Variants in SEMA4B observed in about 807,000 individuals in gnomAD.
SEMA4B encodes semaphorin 4B, also known as semaphorin-4B.
In SEMA4B, 55 loss-of-function variants were observed where a neutral mutation model predicts 88.1. The observed-to-expected ratio is 0.62, with a 90% CI of 0.50 to 0.78. SEMA4B has a LOEUF of 0.78. Among genes scored for constraint, SEMA4B ranks in the 30% least tolerant of loss-of-function variants. SEMA4B has a pLI of 0.00. For missense variants in SEMA4B, 1,062 were observed against 1,111.9 expected, an observed-to-expected ratio of 0.96 and a Z score of 0.64; for synonymous variants, 525 against 473.6, an observed-to-expected ratio of 1.11 and a Z score of -1.41.
chr15:90,228,817 C>T lies in SEMA4B; in HGVS notation c.*174C>T. 2.4e-6 allele frequency: 2 copies of T among 838,900 alleles called. No individual in the cohort carries two copies. Among genetic ancestry groups the T allele is most frequent in the East Asian group, 5.4e-5 (2 of 36,974 alleles). The allele number at this position is 838,900 out of a possible 1,614,324, so 52.0% of individuals were successfully genotyped here. A position where few individuals can be genotyped will look rare whatever the true frequency, so the allele number is the denominator to read the frequency against. On this transcript the variant is annotated 3_prime_UTR_variant, in exon 14 of 14. Coordinates refer to ENST00000411539, the MANE Select transcript of SEMA4B (RefSeq NM_198925.4). ...CTCCAGTCAAGTAGCGAAGCTCCTA[C>T]CACCCAGACACCCAAACAGCCGTGG... is the stretch of plus-strand genomic sequence containing the variant.
chr15:90,193,502 C>T (rs180844825), intron 1 of SEMA4B: 1 of 152,374 alleles, frequency 6.6e-6, no homozygotes, highest in Non-Finnish European at 1.5e-5. Flanking sequence ...TCACTGTCCT[C>T]AAAGGACTTG....
intron 1 of SEMA4B, among the ~76,000 whole-genome samples, chr15:90,194,195 A>T (rs1440472440): frequency 3.3e-5 from 5 of 151,314 alleles, no homozygotes; most frequent in Non-Finnish European, 5.9e-5. Context: ...TGGGCTGAAC[A>T]GTGCAGTTAG....
chr15:90,210,736 C>T (rs1961226410), intron 1 of SEMA4B, among the ~76,000 whole-genome samples: 1 of 152,014 alleles, frequency 6.6e-6, no homozygotes, highest in South Asian at 2.1e-4. Context: ...ACCTAGAGGA[C>T]GGGGTGGCGT....
At chr15:90,189,758 G>A (rs1960290253) in intron 1 of SEMA4B, among the ~76,000 whole-genome samples, 1 of 152,176 alleles carries the variant, frequency 6.6e-6, no homozygotes, top group Admixed American at 6.5e-5. Flanking sequence ...TGGTAGCAAG[G>A]AGCTTTTGAA....
At chr15:90,209,204 A>C (rs780508525) in intron 1 of SEMA4B, among the ~76,000 whole-genome samples, 14 of 152,184 alleles carry the variant, frequency 9.2e-5, no homozygotes, top group Non-Finnish European at 8.8e-5. Context: ...GTTGATACAA[A>C]TATGAATAAG....
Position 90,228,978 on chromosome 15 carries a change from C to G in SEMA4B, c.*335C>G. 1 of 413,150 alleles carries G rather than the reference C, an allele frequency of 2.4e-6. No homozygotes were observed. The allele number at this position is 413,150 out of a possible 1,614,324, so 25.6% of individuals were successfully genotyped here. A position where few individuals can be genotyped will look rare whatever the true frequency, so the allele number is the denominator to read the frequency against. ...GAGAGGGAAGAGATAGCATGGCATG[C>G]AGCACACACGGCTGCTCCAGTTCAT... On this transcript the variant is annotated 3_prime_UTR_variant, in exon 14 of 14. Transcript: ENST00000411539.
At chr15:90,220,894 C>T in intron 4 of SEMA4B, 88 bp from the exon 5 acceptor site, 1 of 828,250 alleles carries the variant, frequency 1.2e-6, no homozygotes. Context: ...TGCAGAGTTG[C>T]CTTCTCCTGC....
chr15:90,209,567 T>TA (rs199611894), intron 1 of SEMA4B, among the ~76,000 whole-genome samples: 39 of 147,764 alleles, frequency 2.6e-4, no homozygotes, highest in Admixed American at 4.7e-4. Context: ...AAGACTGTCT[T>TA]AAAAAAAAAA....
At chr15:90,213,824 T>C (rs1046071687) in intron 1 of SEMA4B, among the ~76,000 whole-genome samples, 2 of 152,230 alleles carry the variant, frequency 1.3e-5, no homozygotes, top group Non-Finnish European at 2.9e-5. Context: ...CCGCAGTGTC[T>C]GTCTTGGTCT....
rs185443698 is a variant in SEMA4B at position 90,220,810 on chromosome 15, C to T, written c.484-172C>T. Reference sequence around the variant, plus strand: ...GCCGACTGTCCAGGTTCAAACCCTTCGGCACCGTGTCCTGGCTGAGGAGGA... The same window carrying T: ...GCCGACTGTCCAGGTTCAAACCCTTTGGCACCGTGTCCTGGCTGAGGAGGA... On this transcript the variant is annotated intron_variant, in intron 4 of 13. Coordinates refer to ENST00000411539, the MANE Select transcript of SEMA4B (RefSeq NM_198925.4). Among the ~76,000 whole-genome samples the T allele has an allele frequency of 1.1e-3, 160 of 152,278 alleles. 1 individual carries two copies. Among genetic ancestry groups the T allele is most frequent in the Admixed American group, 1.8e-3 (28 of 15,298 alleles).
intron 3 of SEMA4B, among the ~76,000 whole-genome samples, chr15:90,218,242 G>T (rs916608855): frequency 1.3e-5 from 2 of 152,168 alleles, no homozygotes; most frequent in African/African-American, 4.8e-5. Context: ...GACAGATTCT[G>T]GTGTGGTTTT....
Position 90,219,859 on chromosome 15 carries a change from A to G in SEMA4B, c.451A>G (p.Thr151Ala). 6.2e-7 allele frequency: 1 copy of G among 1,613,558 alleles called. No individual in the cohort carries two copies. The highest frequency in any genetic ancestry group is 8.5e-7 in the Non-Finnish European group (1 of 1,179,800). Residue 151 changes from threonine to alanine, a missense_variant, in exon 4 of 14, where the codon ACA (threonine) becomes GCA (alanine). Thr to Ala is a moderately conservative substitution (Grantham distance 58). Coordinates refer to ENST00000411539, the MANE Select transcript of SEMA4B (RefSeq NM_198925.4). ...LSGSHLFTCG[T>A]AAFSPMCTYI... is the part of the protein sequence containing the mutation. ...CGGCAGTCACCTGTTCACCTGTGGC[A>G]CAGCAGCCTTCAGCCCCATGTGTAC...
rs1199085424 is a variant in SEMA4B at position 90,213,743 on chromosome 15, G to A, written c.158-3696G>A. Among the ~76,000 whole-genome samples, 5 of 152,212 alleles carry A rather than the reference G, an allele frequency of 3.3e-5. No individual in the cohort carries two copies. The East Asian group carries it at 9.6e-4, about 29-fold the overall frequency. On this transcript the variant is annotated intron_variant, in intron 1 of 13. Coordinates refer to ENST00000411539, the MANE Select transcript of SEMA4B (RefSeq NM_198925.4). ...CGCTCTTTTGCAGGTAGATAAGCAC[G>A]GGCAACCAGCTTATCTGAACCAGCC...
rs772493515 is a variant in SEMA4B at position 90,217,863 on chromosome 15, G to T, written c.384+34G>T. The stretch of plus-strand genomic sequence containing the variant: ...ACACCTGGAAGGGAGCTGAGCTGCA[G>T]GAGGGATGGAGGGTGGTGGACTTCC... On this transcript the variant is annotated intron_variant, in intron 3 of 13. Transcript: ENST00000411539. 3.2e-6 allele frequency: 5 copies of T among 1,575,658 alleles called. No homozygotes were observed. In the South Asian group the frequency reaches 5.7e-5, roughly 18 times the overall value.
intron 3 of SEMA4B, 104 bp from the exon 4 acceptor site, chr15:90,219,689 C>A: frequency 1.2e-6 from 1 of 833,552 alleles, no homozygotes; most frequent in Non-Finnish European, 1.9e-6. Context: ...ATCCCCAGTC[C>A]TGGGAGCAGA....
chr15:90,194,233 A>G (rs1004872917), intron 1 of SEMA4B, among the ~76,000 whole-genome samples: 4 of 152,066 alleles, frequency 2.6e-5, no homozygotes, highest in African/African-American at 7.2e-5. Context: ...TGTTCAGCCT[A>G]TAAAAGATAT....
intron 1 of SEMA4B, among the ~76,000 whole-genome samples, chr15:90,189,338 G>A (rs2151582241): frequency 6.6e-6 from 1 of 152,320 alleles, no homozygotes; most frequent in East Asian, 1.9e-4. Flanking sequence ...ATCCATATGG[G>A]TTCTGGAGTC....
In SEMA4B at chr15:90,217,780, C is replaced by T; in HGVS notation, c.335C>T (p.Ala112Val). 6.2e-7 allele frequency: 1 copy of T among 1,613,468 alleles called. No homozygotes were observed. The highest frequency in any genetic ancestry group is 8.5e-7 in the Non-Finnish European group (1 of 1,179,616). Residue 112 changes from alanine to valine, a missense_variant, in exon 3 of 14, where the codon GCA (alanine) becomes GTA (valine). Ala to Val is a moderately conservative substitution (Grantham distance 64). Transcript: ENST00000411539. ...CTCATTCCCCAGCTGCTTTGGGGTG[C>T]AGACGCAGAGAAGAAACAGCAGTGC... ...GGEYQELLWGADAEKKQQCSF... is the reference protein window; with the variant it reads ...GGEYQELLWGVDAEKKQQCSF...
At chr15:90,224,277 A>G (rs530929671) in intron 9 of SEMA4B, among the ~76,000 whole-genome samples, 2 of 152,338 alleles carry the variant, frequency 1.3e-5, no homozygotes, top group South Asian at 4.1e-4. Flanking sequence ...TCCCCTACTC[A>G]GCTGCAAGCT....
Sources: gnomAD v4.1 joint callset for allele counts (sites outside exome capture counted in the v4.1 genomes callset) on GRCh38, gnomAD v4.1.1 for gene constraint, MANE v1.5 for transcripts, NCBI Gene and HGNC (gene_info 2026-07-23, HGNC 2026-07-21) for gene names.